The following GALC variants were observed in gnomAD, a reference collection of about 807,000 sequenced individuals.
GALC encodes the protein galactosylceramidase.
Under a neutral mutation model 91.8 loss-of-function variants are expected in GALC, and 77 were observed. The observed-to-expected ratio is 0.84, with a 90% CI of 0.70 to 1.01. The LOEUF is 1.01. Ranked by LOEUF, GALC falls within the 50% of genes least tolerant of loss-of-function variation. GALC has a pLI of 0.00. For missense variants in GALC, 882 were observed against 855.9 expected, an observed-to-expected ratio of 1.03 and a Z score of -0.38; for synonymous variants, 357 against 306.7, an observed-to-expected ratio of 1.16 and a Z score of -1.71.
chr14:87,992,566 A>C, intron 1 of GALC: 1 of 1,497,608 alleles, frequency 6.7e-7, no homozygotes, highest in South Asian at 1.3e-5. Flanking sequence ...TCTCTTTCGC[A>C]CACGGACGCT....
intron 6 of GALC, among the ~76,000 whole-genome samples, chr14:87,978,107 T>C (rs546320465): frequency 2.0e-5 from 3 of 152,274 alleles, no homozygotes; most frequent in Non-Finnish European, 4.4e-5. Context: ...GGCTGGGGTG[T>C]AATGGCATGA....
At position 87,934,591 on chromosome 14, in the gene GALC, A is replaced by T. The variant is rs929732120; in HGVS notation, c.*141T>A. On this transcript the variant is annotated 3_prime_UTR_variant, in exon 17 of 17. Coordinates refer to ENST00000261304, the MANE Select transcript of GALC (RefSeq NM_000153.4). ...TCTTCCACAGGGTAAATTAAAAATA[A>T]ATTTCTCTCCCCTTTTACTCTTCAT... 3.3e-6 allele frequency: 5 copies of T among 1,512,056 alleles called. No individual in the cohort carries two copies. In the African/African-American group the frequency reaches 7.0e-5, roughly 21 times the overall value. The allele number at this position is 1,512,056 out of a possible 1,614,324, so 93.7% of individuals were successfully genotyped here. A position where few individuals can be genotyped will look rare whatever the true frequency, so the allele number is the denominator to read the frequency against.
At chr14:87,944,907 A>G (rs1885002355) in intron 14 of GALC, among the ~76,000 whole-genome samples, 1 of 151,994 alleles carries the variant, frequency 6.6e-6, no homozygotes, top group Non-Finnish European at 1.5e-5. Context: ...GTGGAATCAT[A>G]CTAGTTATAG....
chr14:87,950,028 T>C (rs952363420), intron 11 of GALC, 97 bp from the exon 12 acceptor site: 88 of 702,504 alleles, frequency 1.3e-4, no homozygotes, highest in Middle Eastern at 8.0e-4. Context: ...CCAATGACAA[T>C]ATTATCTCTA....
At chr14:87,947,981 T>C (rs1885145931) in intron 12 of GALC, 103 bp from the exon 13 acceptor site, 2 of 1,018,766 alleles carry the variant, frequency 2.0e-6, no homozygotes, top group African/African-American at 1.6e-5. Context: ...GTCCAAATCA[T>C]TTCTGTTAGA....
In GALC at chr14:87,934,807, A is replaced by G; in HGVS notation, c.1983T>C (p.Asn661=). 1 of 1,613,190 alleles carries G rather than the reference A, an allele frequency of 6.2e-7. No individual in the cohort carries two copies. The highest frequency in any genetic ancestry group is 8.5e-7 in the Non-Finnish European group (1 of 1,179,416). Residue 661 remains asparagine, a synonymous_variant, in exon 17 of 17, where the codon AAT becomes AAC. Coordinates refer to ENST00000261304, the MANE Select transcript of GALC (RefSeq NM_000153.4). ...AGTGAGTTCCAATTGCAGCCCAGCC[A>G]TTCTTTGGAAAATTCACAGGGATGT... The part of the protein sequence containing the change: ...WTDIPVNFPK[N]GWAAIGTHSF...
intron 7 of GALC, among the ~76,000 whole-genome samples, chr14:87,969,001 C>A (rs1191918419): frequency 6.6e-6 from 1 of 152,098 alleles, no homozygotes; most frequent in African/African-American, 2.4e-5. Flanking sequence ...GTCCTTAGAA[C>A]ACAGAAAGAT....
Position 87,953,242 on chromosome 14 carries a change from G to C in GALC, c.1162-2494C>G, listed in dbSNP as rs993240022. Reference sequence around the variant, plus strand: ...TCTCTGTATAATTACCTCCAGCCAGGTTGCTTTTTTAGCTCAAAAGAAAGA... The same window carrying C: ...TCTCTGTATAATTACCTCCAGCCAGCTTGCTTTTTTAGCTCAAAAGAAAGA... On this transcript the variant is annotated intron_variant, in intron 10 of 16. Transcript: ENST00000261304. 8.6e-6 allele frequency: 13 copies of C among 1,507,502 alleles called. No individual in the cohort carries two copies. In the African/African-American group the frequency reaches 1.4e-4, roughly 16 times the overall value. 93.4% of individuals were successfully genotyped at this position (1,507,502 alleles called of 1,614,324 possible).
intron 6 of GALC, among the ~76,000 whole-genome samples, chr14:87,979,003 G>C (rs530940494): frequency 6.6e-6 from 1 of 151,780 alleles, no homozygotes; most frequent in Non-Finnish European, 1.5e-5. Flanking sequence ...ACCTACATTC[G>C]TCATTATTGA....
At chr14:87,954,675 C>T (rs1416594078) in intron 10 of GALC, 1 of 1,565,492 alleles carries the variant, frequency 6.4e-7, no homozygotes, top group Admixed American at 1.7e-5. Flanking sequence ...CTAATTAAAG[C>T]CCAGATTTCA....
upstream of GALC, chr14:87,993,394 C>G (rs1038701851): frequency 6.5e-7 from 1 of 1,535,756 alleles, no homozygotes; most frequent in Non-Finnish European, 8.7e-7. Flanking sequence ...GCTGGCTTCT[C>G]TTCCGGCGTC....
chr14:87,977,454 A>G lies in GALC; in HGVS notation c.622-966T>C, dbSNP rs1190210580. The stretch of plus-strand genomic sequence containing the variant: ...AACAGGACACCAAAACTAACAGGGC[A>G]TACTAGAAAATCAAAGGGCAAGTAC... On this transcript the variant is annotated intron_variant, in intron 6 of 16. Coordinates refer to ENST00000261304, the MANE Select transcript of GALC (RefSeq NM_000153.4). Among the ~76,000 whole-genome samples, 12 of 152,322 alleles carry G rather than the reference A, an allele frequency of 7.9e-5. No homozygotes were observed. In the South Asian group the frequency reaches 2.5e-3, roughly 32 times the overall value.
In GALC at chr14:87,965,523, A is replaced by T; in HGVS notation, c.1015T>A (p.Ser339Thr). 6.2e-7 allele frequency: 1 copy of T among 1,613,588 alleles called. No homozygotes were observed. Among genetic ancestry groups the T allele is most frequent in the Non-Finnish European group, 8.5e-7 (1 of 1,179,620 alleles). The change falls in exon 9 of 17, where the codon TCT becomes ACT. Residue 339 changes from serine (S) to threonine (T), a missense_variant. Ser to Thr is a moderately conservative substitution (Grantham distance 58). Coordinates refer to ENST00000261304, the MANE Select transcript of GALC (RefSeq NM_000153.4). ...ACCATACCTGATACCCAGACAGGAG[A>T]TTCTACCACGTAGTGCCCACTCCAT... ...EPWSGHYVVESPVWVSAHTTQ... is the reference protein window; with the variant it reads ...EPWSGHYVVETPVWVSAHTTQ...
intron 3 of GALC, chr14:87,986,836 C>T: frequency 1.8e-6 from 1 of 548,230 alleles, no homozygotes; most frequent in South Asian, 2.0e-5. Flanking sequence ...AAAACCACAA[C>T]CTTCTATTAC....
chr14:87,992,960 T>C lies in GALC; in HGVS notation c.195+10A>G, dbSNP rs191767015. ...CCGCCCCCCGCGTATCCCCGCAGCT[T>C]GCCGCTCACCCCGCCGCCGCTGACC... On this transcript the variant is annotated intron_variant, in intron 1 of 16. Coordinates refer to ENST00000261304, the MANE Select transcript of GALC (RefSeq NM_000153.4). The C allele has an allele frequency of 1.1e-3, 1,703 of 1,512,872 alleles. 15 individuals are homozygous for C. In the African/African-American group the frequency reaches 0.022, roughly 20 times the overall value. The allele number at this position is 1,512,872 out of a possible 1,614,324, so 93.7% of individuals were successfully genotyped here.
chr14:87,938,348 G>A lies in GALC; in HGVS notation c.1911+1557C>T, dbSNP rs72629366. Among the ~76,000 whole-genome samples, 1,594 of 152,072 alleles carry A rather than the reference G, an allele frequency of 0.01. 57 individuals carry two copies. The East Asian group carries it at 0.12, about 12-fold the overall frequency. ...AAGGAGTTAGAGAGTGAGATGGGGC[G>A]CTGTTTTCTATCAGGTGGTCAGGTA... On this transcript the variant is annotated intron_variant, in intron 16 of 16. Transcript: ENST00000261304.
At chr14:87,961,564 C>T (rs375926843) in intron 10 of GALC, among the ~76,000 whole-genome samples, 1 of 152,138 alleles carries the variant, frequency 6.6e-6, no homozygotes, top group Non-Finnish European at 1.5e-5. Context: ...AGACACACTC[C>T]CCGCAAATAT....
intron 10 of GALC, chr14:87,954,960 G>T: frequency 3.4e-6 from 5 of 1,476,164 alleles, no homozygotes; most frequent in Non-Finnish European, 4.7e-6. Context: ...TGATAGAGAA[G>T]ATTCTTCTCA....
chr14:87,946,547 T>C (rs1885079959), intron 13 of GALC, among the ~76,000 whole-genome samples: 1 of 152,008 alleles, frequency 6.6e-6, no homozygotes, highest in Non-Finnish European at 1.5e-5. Flanking sequence ...TCATAAAGTA[T>C]TACATTTTAT....
Sources: gnomAD v4.1 joint callset for allele counts (sites outside exome capture counted in the v4.1 genomes callset) on GRCh38, gnomAD v4.1.1 for gene constraint, MANE v1.5 for transcripts, NCBI Gene and HGNC (gene_info 2026-07-23, HGNC 2026-07-21) for gene names.